The following CDH13 variants were observed in gnomAD, a reference collection of about 807,000 sequenced individuals.
CDH13 encodes the protein cadherin-13.
Under a neutral mutation model 63.8 loss-of-function variants are expected in CDH13, and 24 were observed. That is an observed-to-expected ratio of 0.38 (90% CI 0.27 to 0.53). CDH13 has a LOEUF of 0.53. Among genes scored for constraint, CDH13 ranks in the 20% least tolerant of loss-of-function variants. The pLI, the probability that CDH13 is intolerant of heterozygous loss-of-function variation, is 0.85. For synonymous variants in CDH13, 503 were observed against 355.3 expected, an observed-to-expected ratio of 1.42 and a Z score of -4.67; for missense variants, 1,049 against 903.1, an observed-to-expected ratio of 1.16 and a Z score of -2.07.
chr16:83,670,091 T>C (rs1387927493), intron 8 of CDH13, among the ~76,000 whole-genome samples: 1 of 152,194 alleles, frequency 6.6e-6, no homozygotes, highest in Non-Finnish European at 1.5e-5. Context: ...CTCCAAACAA[T>C]TCATGTAGAT....
chr16:82,683,518 A>T (rs1030986589), intron 1 of CDH13, among the ~76,000 whole-genome samples: 2 of 152,190 alleles, frequency 1.3e-5, no homozygotes, highest in African/African-American at 4.8e-5. Flanking sequence ...CCCTAATTAT[A>T]TCATGCCAGA....
intron 5 of CDH13, among the ~76,000 whole-genome samples, chr16:83,296,531 G>A (rs2089601896): frequency 6.6e-6 from 1 of 152,170 alleles, no homozygotes; most frequent in Non-Finnish European, 1.5e-5. Flanking sequence ...TAGTTTATTA[G>A]TAATGTCTGC....
intron 10 of CDH13, among the ~76,000 whole-genome samples, chr16:83,713,575 T>A (rs365661): frequency 1.3e-5 from 2 of 151,880 alleles, no homozygotes; most frequent in Non-Finnish European, 2.9e-5. Flanking sequence ...ACTTTACCTC[T>A]CACAAATGGT....
intron 4 of CDH13, among the ~76,000 whole-genome samples, chr16:83,163,717 T>C (rs559955381): frequency 6.6e-6 from 1 of 152,234 alleles, no homozygotes; most frequent in East Asian, 1.9e-4. Context: ...TGGAGGCTTC[T>C]TCAGTGTGGG....
chr16:83,446,923 G>A (rs903211544), intron 6 of CDH13, among the ~76,000 whole-genome samples: 1 of 151,388 alleles, frequency 6.6e-6, no homozygotes, highest in Non-Finnish European at 1.5e-5. Flanking sequence ...CAAGTGTTAA[G>A]CTGAACCATT....
intron 7 of CDH13, among the ~76,000 whole-genome samples, chr16:83,512,857 C>T (rs2074605496): frequency 6.6e-6 from 1 of 151,876 alleles, no homozygotes. Flanking sequence ...GATTTGGAAC[C>T]CTGGGAGGTG....
chr16:83,032,608 G>T (rs1003250560), intron 3 of CDH13, among the ~76,000 whole-genome samples: 1 of 152,018 alleles, frequency 6.6e-6, no homozygotes, highest in East Asian at 1.9e-4. Flanking sequence ...CTTTCTGCTG[G>T]TCTGAAGTCG....
At chr16:82,815,257 C>T (rs1438465086) in intron 1 of CDH13, among the ~76,000 whole-genome samples, 10 of 152,020 alleles carry the variant, frequency 6.6e-5, no homozygotes, top group Non-Finnish European at 5.9e-5. Flanking sequence ...GAATGAGGGC[C>T]GAGTGTGGAC....
chr16:83,616,217 ACT>A (rs1321360786), intron 8 of CDH13, among the ~76,000 whole-genome samples: 2 of 152,156 alleles, frequency 1.3e-5, no homozygotes, highest in Non-Finnish European at 2.9e-5. Flanking sequence ...CTGATTATAA[ACT>A]CTGTGTGGAA....
intron 2 of CDH13, among the ~76,000 whole-genome samples, chr16:82,964,047 T>C (rs1429419764): frequency 1.3e-5 from 2 of 152,152 alleles, no homozygotes; most frequent in African/African-American, 2.4e-5. Flanking sequence ...TCGCTTTGTG[T>C]GCACAATGCC....
chr16:83,741,498 A>ATGTG (rs200653101), intron 10 of CDH13, among the ~76,000 whole-genome samples: 1 of 116,162 alleles, frequency 8.6e-6, no homozygotes, highest in Non-Finnish European at 1.9e-5. Flanking sequence ...GTATATATAT[A>ATGTG]TATGTGTGTG....
chr16:83,715,616 G>A (rs1253538606), intron 10 of CDH13, among the ~76,000 whole-genome samples: 1 of 152,204 alleles, frequency 6.6e-6, no homozygotes, highest in Non-Finnish European at 1.5e-5. Context: ...TCTGAAGAAC[G>A]AATGCAAAAA....
chr16:83,356,951 C>G (rs1445421594), intron 6 of CDH13, among the ~76,000 whole-genome samples: 1 of 152,108 alleles, frequency 6.6e-6, no homozygotes, highest in Non-Finnish European at 1.5e-5. Flanking sequence ...TTGGGGAATT[C>G]TTGTGTTTTC....
At chr16:83,363,713 AG>A (rs2151388557) in intron 6 of CDH13, among the ~76,000 whole-genome samples, 1 of 152,338 alleles carries the variant, frequency 6.6e-6, no homozygotes, top group East Asian at 1.9e-4. Flanking sequence ...ATGTTCCGTC[AG>A]CCTGGCACAT....
intron 1 of CDH13, among the ~76,000 whole-genome samples, chr16:82,743,279 C>T (rs1019671822): frequency 2.6e-5 from 4 of 152,098 alleles, no homozygotes; most frequent in Admixed American, 6.5e-5. Flanking sequence ...CAGGCTGGAG[C>T]GCGGTGGCAC....
chr16:82,989,865 C>G (rs962118154), intron 2 of CDH13, among the ~76,000 whole-genome samples: 3 of 152,132 alleles, frequency 2.0e-5, no homozygotes, highest in African/African-American at 7.2e-5. Flanking sequence ...GTTAAAATCC[C>G]TGGGACCTAA....
chr16:83,671,668 A>G (rs893953474), intron 9 of CDH13, among the ~76,000 whole-genome samples: 1 of 152,262 alleles, frequency 6.6e-6, no homozygotes, highest in South Asian at 2.1e-4. Flanking sequence ...GGGCTACGAC[A>G]TGACTTCTTA....
chr16:83,176,170 AT>A (rs2038114534), intron 4 of CDH13, among the ~76,000 whole-genome samples: 1 of 151,318 alleles, frequency 6.6e-6, no homozygotes, highest in Non-Finnish European at 1.5e-5. Flanking sequence ...TTTTAAATTA[AT>A]ATGCTTCAAC....
chr16:83,168,291 C>A (rs1452986147), intron 4 of CDH13, among the ~76,000 whole-genome samples: 2 of 151,706 alleles, frequency 1.3e-5, no homozygotes, highest in Non-Finnish European at 2.9e-5. Context: ...TGTTAAGTAC[C>A]ATCCAATGGA....
Sources: gnomAD v4.1 joint callset for allele counts (sites outside exome capture counted in the v4.1 genomes callset) on GRCh38, gnomAD v4.1.1 for gene constraint, MANE v1.5 for transcripts, NCBI Gene and HGNC (gene_info 2026-07-23, HGNC 2026-07-21) for gene names.